SAMD4A: variants seen among roughly 807,000 people sequenced by gnomAD.
SAMD4A encodes the protein sterile alpha motif domain containing 4A, also known as protein Smaug homolog 1.
A neutral mutation model predicts 81.3 loss-of-function variants in SAMD4A; 33 were observed. The ratio of observed to expected loss-of-function variants is 0.41; its 90% confidence interval spans 0.31 to 0.54. The LOEUF is 0.54. Ranked by LOEUF, SAMD4A falls within the 20% of genes least tolerant of loss-of-function variation. The probability of loss-of-function intolerance (pLI) is 0.37; values close to 1 mark genes in which losing one functional copy is unlikely to be tolerated. For synonymous variants in SAMD4A, 389 were observed against 382.1 expected (o/e 1.02, Z -0.21); for missense variants, 854 against 951.1 (o/e 0.90, Z 1.34).
At chr14:54,766,870 G>A (rs1013513485) in intron 8 of SAMD4A, among the ~76,000 whole-genome samples, 7 of 152,210 alleles carry the variant, frequency 4.6e-5, no homozygotes, top group East Asian at 3.9e-4. Context: ...CGGCAGCCCC[G>A]AAACTCTGGC....
At chr14:54,592,203 A>G (rs1026701406) in intron 2 of SAMD4A, among the ~76,000 whole-genome samples, 5 of 152,096 alleles carry the variant, frequency 3.3e-5, no homozygotes, top group Non-Finnish European at 7.3e-5. Context: ...CTCCTTCAAC[A>G]CTTATCTACA....
chr14:54,587,855 T>G (rs1187594), intron 2 of SAMD4A, among the ~76,000 whole-genome samples: 1 of 152,118 alleles, frequency 6.6e-6, no homozygotes, highest in Non-Finnish European at 1.5e-5. Flanking sequence ...TTTCTTTTTT[T>G]GTTATGCCTT....
chr14:54,592,633 G>A (rs1489910245), intron 2 of SAMD4A, among the ~76,000 whole-genome samples: 2 of 152,020 alleles, frequency 1.3e-5, no homozygotes, highest in Non-Finnish European at 2.9e-5. Flanking sequence ...CTAATTTTTT[G>A]TATTTTTAGT....
intron 2 of SAMD4A, among the ~76,000 whole-genome samples, chr14:54,630,546 A>C (rs939136650): frequency 2.6e-5 from 4 of 152,116 alleles, no homozygotes; most frequent in African/African-American, 7.2e-5. Flanking sequence ...TTGTTGTTGC[A>C]TTGTAGGAGT....
intron 2 of SAMD4A, among the ~76,000 whole-genome samples, chr14:54,653,484 T>A (rs1313695453): frequency 6.6e-6 from 1 of 151,620 alleles, no homozygotes; most frequent in African/African-American, 2.4e-5. Context: ...GGATTACAGG[T>A]GTGCGCCCTG....
intron 3 of SAMD4A, among the ~76,000 whole-genome samples, chr14:54,713,325 G>A (rs35522398): frequency 1.6e-4 from 24 of 151,870 alleles, no homozygotes; most frequent in South Asian, 4.1e-4. Flanking sequence ...ATCTCATTCC[G>A]GCCATCTCCC....
rs10539223 is a variant in SAMD4A at position 54,776,015 on chromosome 14, TAAAAAAAA to T, written c.1918-379_1918-372del. ...GCTTTGGAGTACATTGTAAGAATCT[TAAAAAAAA>T]AAAAAAAAAAAAAAAAAAATCAGAG... On this transcript the variant is annotated intron_variant, in intron 10 of 12. Transcript: ENST00000554335. 7.8e-5 allele frequency among the ~76,000 whole-genome samples: 7 copies of T among 89,840 alleles called. No homozygotes were observed. In the East Asian group the frequency reaches 8.7e-4, roughly 11 times the overall value. 58.9% of individuals were successfully genotyped at this position (89,840 alleles called of 152,430 possible).
chr14:54,611,238 A>C (rs2034346479), intron 2 of SAMD4A, among the ~76,000 whole-genome samples: 2 of 152,206 alleles, frequency 1.3e-5, no homozygotes, highest in African/African-American at 4.8e-5. Flanking sequence ...TTAATCCATA[A>C]AGCCCTGTTT....
At chr14:54,685,212 A>G (rs543602566) in intron 2 of SAMD4A, among the ~76,000 whole-genome samples, 1 of 151,962 alleles carries the variant, frequency 6.6e-6, no homozygotes, top group Admixed American at 6.6e-5. Context: ...AATTTCTAGA[A>G]CTTTATCATC....
intron 9 of SAMD4A, among the ~76,000 whole-genome samples, chr14:54,774,087 T>C (rs989902069): frequency 2.0e-5 from 3 of 152,224 alleles, no homozygotes; most frequent in African/African-American, 7.2e-5. Context: ...TCAAGACCTG[T>C]GTCCTCATCT....
At position 54,729,824 on chromosome 14, in the gene SAMD4A, G is replaced by A. The variant is rs371324663; in HGVS notation, c.716-7200G>A. Among the ~76,000 whole-genome samples, 15 of 152,304 alleles carry A rather than the reference G, an allele frequency of 9.8e-5. 1 individual carries two copies. The highest frequency in any genetic ancestry group is 5.2e-4 in the Admixed American group (8 of 15,298). On this transcript the variant is annotated intron_variant, in intron 3 of 12. Transcript: ENST00000554335. ...GATGGAATGAGAGGATTGAGGTAGT[G>A]TCCTTTTAGGATTTCTTGATTTGAA...
chr14:54,743,706 C>T (rs566053254), intron 4 of SAMD4A, among the ~76,000 whole-genome samples: 48 of 152,302 alleles, frequency 3.2e-4, no homozygotes, highest in African/African-American at 1.1e-3. Context: ...CCTTCCAGGA[C>T]CCATATATGC....
At chr14:54,571,306 A>T (rs1187688211) in intron 2 of SAMD4A, among the ~76,000 whole-genome samples, 2 of 152,138 alleles carry the variant, frequency 1.3e-5, no homozygotes, top group Admixed American at 1.3e-4. Context: ...TATGGTCATG[A>T]TCAGTTCTCT....
intron 11 of SAMD4A, among the ~76,000 whole-genome samples, chr14:54,777,978 CCT>C (rs1200080292): frequency 3.3e-5 from 5 of 152,108 alleles, no homozygotes; most frequent in African/African-American, 9.7e-5. Context: ...TTCATCCCAT[CCT>C]CTGTTTTCAC....
In SAMD4A at chr14:54,681,860, G is replaced by A. The variant is rs149891653; in HGVS notation, c.197-20202G>A. The A allele has an allele frequency of 4.9e-4, 485 of 985,354 alleles. 2 individuals are homozygous for A. In the African/African-American group the frequency reaches 7.1e-3, roughly 14 times the overall value. The allele number at this position is 985,354 out of a possible 1,614,324, so 61.0% of individuals were successfully genotyped here. On this transcript the variant is annotated intron_variant, in intron 2 of 12. Transcript: ENST00000554335. The stretch of plus-strand genomic sequence containing the variant: ...ATTGGAACTCTCCCAAAAGATAAGC[G>A]GTTTAAGTAAGCTGTGACAGACCAC...
chr14:54,611,132 G>A (rs2034342741), intron 2 of SAMD4A, among the ~76,000 whole-genome samples: 1 of 152,132 alleles, frequency 6.6e-6, no homozygotes, highest in East Asian at 1.9e-4. Flanking sequence ...TCTTGGCTGG[G>A]CTTATGTGTC....
chr14:54,787,472 C>T (rs1357034873), intron 12 of SAMD4A, among the ~76,000 whole-genome samples: 4 of 152,234 alleles, frequency 2.6e-5, no homozygotes, highest in African/African-American at 7.2e-5. Context: ...GGCCTCAGCA[C>T]GCCTGTCACT....
intron 2 of SAMD4A, among the ~76,000 whole-genome samples, chr14:54,582,256 T>C (rs954754933): frequency 6.6e-6 from 1 of 152,126 alleles, no homozygotes; most frequent in Non-Finnish European, 1.5e-5. Flanking sequence ...GTTTTTTTTT[T>C]AATTTTATTT....
At chr14:54,737,561 T>TTCTTTTTTG (rs34263162) in intron 4 of SAMD4A, among the ~76,000 whole-genome samples, 23 of 122,646 alleles carry the variant, frequency 1.9e-4, no homozygotes, top group African/African-American at 7.1e-4. Flanking sequence ...TTTTTTTTTT[T>TTCTTTTTTG]GCATTGCAGT....
Sources: allele counts gnomAD v4.1 joint callset (sites outside exome capture counted in the v4.1 genomes callset), GRCh38; gene constraint gnomAD v4.1.1; transcripts MANE v1.5; gene names NCBI Gene and HGNC (gene_info 2026-07-23, HGNC 2026-07-21).